COG2: variants seen among roughly 807,000 people sequenced by gnomAD.
COG2 encodes the protein conserved oligomeric Golgi complex subunit 2.
In COG2, 52 loss-of-function variants were observed where a neutral mutation model predicts 90.6. The observed-to-expected ratio is 0.57, with a 90% CI of 0.46 to 0.72. The LOEUF is 0.72. Ranked by LOEUF, COG2 falls within the 30% of genes least tolerant of loss-of-function variation. COG2 has a pLI of 0.00. For synonymous variants in COG2, 337 were observed against 320.4 expected, an observed-to-expected ratio of 1.05 and a Z score of -0.55; for missense variants, 829 against 891.2, an observed-to-expected ratio of 0.93 and a Z score of 0.89.
At chr1:230,690,288 G>C in intron 16 of COG2, 135 bp downstream of exon 16, 1 of 750,870 alleles carries the variant, frequency 1.3e-6, no homozygotes, top group South Asian at 2.0e-5. Flanking sequence ...TAGTCAGAGT[G>C]TGTGTCCCAC....
At chr1:230,663,064 G>A in intron 3 of COG2, 77 bp from the exon 4 acceptor site, 1 of 1,192,038 alleles carries the variant, frequency 8.4e-7, no homozygotes, top group South Asian at 1.5e-5. Context: ...TAAGTCCTGT[G>A]GAATTGAATT....
At chr1:230,660,481 T>C (rs1024719902) in intron 2 of COG2, among the ~76,000 whole-genome samples, 29 of 152,216 alleles carry the variant, frequency 1.9e-4, no homozygotes, top group African/African-American at 5.5e-4. Flanking sequence ...CATTAAAATA[T>C]TTTATTCAGA....
chr1:230,645,319 C>G (rs548791239), intron 1 of COG2, among the ~76,000 whole-genome samples: 2 of 151,040 alleles, frequency 1.3e-5, no homozygotes, highest in South Asian at 4.2e-4. Flanking sequence ...ATGTAAGATA[C>G]TGGTAGTAGG....
At chr1:230,663,243 T>G in intron 4 of COG2, 22 bp downstream of exon 4, 1 of 1,590,458 alleles carries the variant, frequency 6.3e-7, no homozygotes, top group Non-Finnish European at 8.6e-7. Context: ...TATTACAATA[T>G]TAAATCGTTG....
At chr1:230,650,413 G>T (rs1661885342) in intron 1 of COG2, among the ~76,000 whole-genome samples, 1 of 152,076 alleles carries the variant, frequency 6.6e-6, no homozygotes, top group Non-Finnish European at 1.5e-5. Flanking sequence ...GTGTTAGATG[G>T]TATCTCATTG....
intron 1 of COG2, among the ~76,000 whole-genome samples, chr1:230,659,158 A>T (rs1052746083): frequency 3.3e-5 from 5 of 152,182 alleles, no homozygotes; most frequent in African/African-American, 1.2e-4. Context: ...CTTTAAAATT[A>T]AGGGGAAACG....
At chr1:230,654,255 G>A (rs762613776) in intron 1 of COG2, among the ~76,000 whole-genome samples, 5 of 152,124 alleles carry the variant, frequency 3.3e-5, no homozygotes, top group East Asian at 3.8e-4. Context: ...TAGGTCTTAC[G>A]TTTAAGTCTT....
rs564086873 is a variant in COG2 at position 230,668,072 on chromosome 1, A to G, written c.486-604A>G. Among the ~76,000 whole-genome samples the G allele has an allele frequency of 2.3e-3, 347 of 152,312 alleles. 2 individuals carry two copies. The highest frequency in any genetic ancestry group is 8.1e-3 in the African/African-American group (337 of 41,558). On this transcript the variant is annotated intron_variant, in intron 5 of 17. Coordinates refer to ENST00000366669, the MANE Select transcript of COG2 (RefSeq NM_007357.3). ...TAAGTTATTACTATTTAAATTTAAA[A>G]TAAGATATTTTGAGATATTTATTGC...
At chr1:230,664,441 A>G in intron 4 of COG2, 43 bp from the exon 5 acceptor site, 1 of 871,706 alleles carries the variant, frequency 1.1e-6, no homozygotes, top group East Asian at 2.8e-5. Flanking sequence ...GAAAATTAAG[A>G]TTAAACATGA....
chr1:230,690,175 C>T (rs1173945466), intron 16 of COG2, 22 bp downstream of exon 16: 2 of 1,606,974 alleles, frequency 1.2e-6, no homozygotes, highest in East Asian at 4.5e-5. Context: ...AAAAGCAGAC[C>T]TTGTGGGCCT....
Position 230,664,559 on chromosome 1 carries a change from A to G in COG2, c.457A>G (p.Lys153Glu), listed in dbSNP as rs1018967286. 5 of 1,571,478 alleles carry G rather than the reference A, an allele frequency of 3.2e-6. No individual in the cohort carries two copies. The highest frequency in any genetic ancestry group is 3.6e-5 in the Admixed American group (2 of 55,084). Residue 153 changes from lysine to glutamate, a missense_variant, in exon 5 of 18, where the codon AAA (lysine) becomes GAA (glutamate). Transcript: ENST00000366669. ...AAAAATCTTAAACTCTCAAAGTTCT[A>G]AAGAAACCTCTGCACTAGAAGCAAG... ...IEKILNSQSS[K>E]ETSALEASSP...
At chr1:230,662,020 CCCTCTCCTCTCCCT>C (rs1330216394) in intron 3 of COG2, among the ~76,000 whole-genome samples, 1 of 151,910 alleles carries the variant, frequency 6.6e-6, no homozygotes, top group South Asian at 2.1e-4. Context: ...CAGTCCTCAG[CCCTCTCCTCTCCCT>C]CCTCTCCTCT....
At chr1:230,678,543 C>T (rs1487782019) in intron 9 of COG2, 6 of 1,147,212 alleles carry the variant, frequency 5.2e-6, no homozygotes, top group Non-Finnish European at 4.3e-6. Flanking sequence ...GAATTTTCTC[C>T]TTCTTTCTCC....
chr1:230,686,374 A>C (rs1363994482), intron 12 of COG2, among the ~76,000 whole-genome samples: 1 of 152,232 alleles, frequency 6.6e-6, no homozygotes, highest in Non-Finnish European at 1.5e-5. Context: ...CGTTCTTGCT[A>C]GCCAGGAATT....
chr1:230,656,800 GT>G (rs1662066259), intron 1 of COG2, among the ~76,000 whole-genome samples: 1 of 151,978 alleles, frequency 6.6e-6, no homozygotes, highest in Non-Finnish European at 1.5e-5. Context: ...ATTAGCTCTT[GT>G]TGCATTGATC....
chr1:230,688,203 C>T lies in COG2; in HGVS notation c.1651+60C>T. ...TAAGAAATGATTTAAAATAAAATCT[C>T]AGAGACTGTAGGGTATATTTAACAT... On this transcript the variant is annotated intron_variant, in intron 14 of 17. Coordinates refer to ENST00000366669, the MANE Select transcript of COG2 (RefSeq NM_007357.3). 8 of 1,326,984 alleles carry T rather than the reference C, an allele frequency of 6.0e-6. No homozygotes were observed. In the South Asian group the frequency reaches 1.1e-4, roughly 18 times the overall value. 82.2% of individuals were successfully genotyped at this position (1,326,984 alleles called of 1,614,324 possible).
At position 230,685,221 on chromosome 1, in the gene COG2, T is replaced by C; in HGVS notation, c.1365T>C (p.Ser455=). The C allele has an allele frequency of 1.2e-6, 2 of 1,614,228 alleles. No homozygotes were observed. Among genetic ancestry groups the C allele is most frequent in the Non-Finnish European group, 1.7e-6 (2 of 1,180,030 alleles). Residue 455 remains serine (S), a synonymous_variant, in exon 12 of 18, where the codon TCT becomes TCC. Coordinates refer to ENST00000366669, the MANE Select transcript of COG2 (RefSeq NM_007357.3). The part of the protein sequence containing the change: ...RLTLQILARY[S]VFVNELSLRP... ...CTCTGCAGATTTTGGCACGATACTCTGTGTTTGTCAATGAGGTAAGGGCTG... is the reference window on the plus strand; with the variant it reads ...CTCTGCAGATTTTGGCACGATACTCCGTGTTTGTCAATGAGGTAAGGGCTG...
intron 17 of COG2, 24 bp from the exon 18 acceptor site, chr1:230,693,268 A>C: frequency 5.9e-4 from 621 of 1,050,596 alleles, no homozygotes; most frequent in Non-Finnish European, 8.2e-4. Flanking sequence ...GCAGTAACAT[A>C]ATTCATTCTC....
chr1:230,667,668 C>G (rs1310834813), intron 5 of COG2, among the ~76,000 whole-genome samples: 1 of 152,108 alleles, frequency 6.6e-6, no homozygotes, highest in African/African-American at 2.4e-5. Flanking sequence ...CAGAGTTTCC[C>G]TTTTTGGTTG....
Sources: allele counts gnomAD v4.1 joint callset (sites outside exome capture counted in the v4.1 genomes callset), GRCh38; gene constraint gnomAD v4.1.1; transcripts MANE v1.5; gene names NCBI Gene and HGNC (gene_info 2026-07-23, HGNC 2026-07-21).